GTF2A1L: variants seen among roughly 807,000 people sequenced by gnomAD.
GTF2A1L encodes general transcription factor IIA subunit 1 like.
GTF2A1L carries 48 observed loss-of-function variants against 49.7 expected under a neutral mutation model. That is an observed-to-expected ratio of 0.97 (90% CI 0.77 to 1.23). GTF2A1L has a LOEUF of 1.23. Ranked by LOEUF, GTF2A1L falls within the 50% of genes most tolerant of loss-of-function variation. GTF2A1L has a pLI of 0.00. For synonymous variants in GTF2A1L, 246 were observed against 193.5 expected, an observed-to-expected ratio of 1.27 and a Z score of -2.25; for missense variants, 736 against 564.8, an observed-to-expected ratio of 1.30 and a Z score of -3.07.
chr2:48,673,455 C>G (rs764633908), intron 8 of GTF2A1L, among the ~76,000 whole-genome samples: 3 of 150,802 alleles, frequency 2.0e-5, no homozygotes. Context: ...CTCCGCCTCC[C>G]GGGTTCAAAG....
At chr2:48,657,409 T>G (rs6747688) in intron 6 of GTF2A1L, among the ~76,000 whole-genome samples, 27,075 of 152,192 alleles carry the variant, frequency 0.18, 2,796 homozygotes, top group South Asian at 0.25. Flanking sequence ...TTCGGCAGTA[T>G]GCATGTTGCT....
At chr2:48,672,826 G>A (rs1482788555) in intron 8 of GTF2A1L, among the ~76,000 whole-genome samples, 1 of 152,056 alleles carries the variant, frequency 6.6e-6, no homozygotes, top group East Asian at 1.9e-4. Flanking sequence ...ACAATTCAAT[G>A]GTTTATTTAG....
rs149091451 is a variant in GTF2A1L at position 48,675,798 on chromosome 2, G to T, written c.1330-3537G>T. Among the ~76,000 whole-genome samples, 668 of 151,668 alleles carry T rather than the reference G, an allele frequency of 4.4e-3. 18 individuals are homozygous for T. Among genetic ancestry groups the T allele is most frequent in the Non-Finnish European group, 1.4e-3 (96 of 67,744 alleles). Reference sequence around the variant, plus strand: ...GATGCTATACAATGATTAATTTCTAGGTGTGTAGCATGGTTTCTTTATATA... The same window carrying T: ...GATGCTATACAATGATTAATTTCTATGTGTGTAGCATGGTTTCTTTATATA... On this transcript the variant is annotated intron_variant, in intron 8 of 8. Coordinates refer to ENST00000403751, the MANE Select transcript of GTF2A1L (RefSeq NM_006872.5).
chr2:48,652,228 C>G (rs7601721), intron 6 of GTF2A1L, among the ~76,000 whole-genome samples: 7,239 of 152,182 alleles, frequency 0.048, 568 homozygotes, highest in African/African-American at 0.17. Flanking sequence ...CCTTTATAAG[C>G]TTATCCTTGT....
intron 8 of GTF2A1L, 57 bp from the exon 9 acceptor site, chr2:48,679,278 G>T: frequency 6.3e-7 from 1 of 1,578,460 alleles, no homozygotes. Context: ...GCAGAGAAAT[G>T]CAGGTGATCC....
intron 6 of GTF2A1L, among the ~76,000 whole-genome samples, chr2:48,655,596 A>G (rs1678124624): frequency 6.6e-6 from 1 of 152,214 alleles, no homozygotes; most frequent in Admixed American, 6.5e-5. Context: ...TTTTCCTGCC[A>G]CCAGTACTTT....
intron 6 of GTF2A1L, among the ~76,000 whole-genome samples, chr2:48,657,999 A>G (rs986286572): frequency 5.9e-5 from 9 of 152,074 alleles, no homozygotes; most frequent in African/African-American, 2.2e-4. Flanking sequence ...TAAATTCTGG[A>G]TACTACAACT....
intron 6 of GTF2A1L, among the ~76,000 whole-genome samples, chr2:48,666,107 T>G (rs1369194632): frequency 2.0e-5 from 3 of 152,106 alleles, no homozygotes; most frequent in Non-Finnish European, 4.4e-5. Context: ...TATAGCAGTT[T>G]CAGGTTTATT....
chr2:48,673,358 A>ATT (rs1679276786), intron 8 of GTF2A1L, among the ~76,000 whole-genome samples: 1 of 109,078 alleles, frequency 9.2e-6, no homozygotes, highest in East Asian at 3.1e-4. Context: ...GACACAGGAA[A>ATT]CTTTTTTTTT....
Position 48,669,806 on chromosome 2 carries a change from A to G in GTF2A1L, c.1063A>G (p.Thr355Ala). The G allele has an allele frequency of 6.2e-7, 1 of 1,614,100 alleles. No individual in the cohort carries two copies. The highest frequency in any genetic ancestry group is 8.5e-7 in the Non-Finnish European group (1 of 1,180,000). Residue 355 changes from threonine to alanine, a missense_variant, in exon 7 of 9, where the codon ACA (threonine) becomes GCA (alanine). Physicochemically the swap from Thr to Ala is moderately conservative, Grantham distance 58. Transcript: ENST00000403751. ...AATTCAAGTAGATGGAAGCGGTGAT[A>G]CATCTTCCAATGAAGAAATAGGAAG... The part of the protein sequence containing the change: ...EIIQVDGSGD[T>A]SSNEEIGSTR...
chr2:48,628,658 T>G (rs1296276021), intron 3 of GTF2A1L, among the ~76,000 whole-genome samples: 2 of 144,308 alleles, frequency 1.4e-5, no homozygotes, highest in Non-Finnish European at 3.1e-5. Flanking sequence ...TCTACCATCC[T>G]GTAGGTTGTC....
In GTF2A1L at chr2:48,620,833, A is replaced by T; in HGVS notation, c.22-18A>T. On this transcript the variant is annotated intron_variant, in intron 1 of 8. Coordinates refer to ENST00000403751, the MANE Select transcript of GTF2A1L (RefSeq NM_006872.5). ...AATAAATAAATAAAATGAAACTTTA[A>T]CAATTGCTTTTATGTAGCCTAAACT... The T allele has an allele frequency of 3.7e-6, 5 of 1,333,364 alleles. No individual in the cohort carries two copies. The highest frequency in any genetic ancestry group is 4.9e-6 in the Non-Finnish European group (5 of 1,027,482). 82.6% of individuals were successfully genotyped at this position (1,333,364 alleles called of 1,614,324 possible). A position where few individuals can be genotyped will look rare whatever the true frequency, so the allele number is the denominator to read the frequency against.
Position 48,646,986 on chromosome 2 carries a change from T to C in GTF2A1L, c.922T>C (p.Ser308Pro), listed in dbSNP as rs1349833152. 6 of 1,613,924 alleles carry C rather than the reference T, an allele frequency of 3.7e-6. No homozygotes were observed. Among genetic ancestry groups the C allele is most frequent in the Non-Finnish European group, 5.1e-6 (6 of 1,179,998 alleles). Residue 308 changes from serine to proline, a missense_variant, in exon 6 of 9, where the codon TCT becomes CCT. Ser to Pro is a moderately conservative substitution (Grantham distance 74, BLOSUM62 -1). Transcript: ENST00000403751. ...ILKNRMYGCD[S>P]VKQPRNIEEP... ...TAAAAATAGGATGTATGGATGTGAT[T>C]CTGTAAAGCAACCAAGAAATATAGA...
At chr2:48,667,158 T>C (rs1678895358) in intron 6 of GTF2A1L, among the ~76,000 whole-genome samples, 2 of 151,208 alleles carry the variant, frequency 1.3e-5, no homozygotes, top group African/African-American at 2.4e-5. Flanking sequence ...GGGATCTTGC[T>C]ATGTTTCCAA....
chr2:48,679,284 G>T, intron 8 of GTF2A1L, 51 bp from the exon 9 acceptor site: 1 of 1,584,970 alleles, frequency 6.3e-7, no homozygotes, highest in South Asian at 1.2e-5. Flanking sequence ...AAATGCAGGT[G>T]ATCCTTTAAC....
intron 5 of GTF2A1L, 35 bp from the exon 6 acceptor site, chr2:48,646,418 T>C (rs1250568217): frequency 6.6e-7 from 1 of 1,509,996 alleles, no homozygotes; most frequent in Admixed American, 2.3e-5. Context: ...ATTTTAATTC[T>C]ATTATACTTA....
At chr2:48,646,357 A>T (rs1572730266) in intron 5 of GTF2A1L, 96 bp from the exon 6 acceptor site, 1 of 1,190,376 alleles carries the variant, frequency 8.4e-7, no homozygotes, top group Non-Finnish European at 1.1e-6. Flanking sequence ...ATTTTTTTCC[A>T]GCCTTTGTGG....
chr2:48,663,016 A>G (rs1325356219), intron 6 of GTF2A1L, among the ~76,000 whole-genome samples: 3 of 152,166 alleles, frequency 2.0e-5, no homozygotes, highest in Non-Finnish European at 4.4e-5. Context: ...CCCGTGACAC[A>G]TAGTTTACCT....
At chr2:48,635,995 C>G (rs1167837904) in intron 3 of GTF2A1L, among the ~76,000 whole-genome samples, 1 of 152,192 alleles carries the variant, frequency 6.6e-6, no homozygotes, top group Non-Finnish European at 1.5e-5. Context: ...CTTTCTCTCT[C>G]ATGTACTGGG....
Sources: allele counts gnomAD v4.1 joint callset (sites outside exome capture counted in the v4.1 genomes callset), GRCh38; gene constraint gnomAD v4.1.1; transcripts MANE v1.5; gene names NCBI Gene and HGNC (gene_info 2026-07-23, HGNC 2026-07-21).